The following WDR82 variants were observed in gnomAD, a reference collection of about 807,000 sequenced individuals.
WDR82 encodes WD repeat-containing protein 82.
A neutral mutation model predicts 36.1 loss-of-function variants in WDR82; 8 were observed. That is an observed-to-expected ratio of 0.22 (90% CI 0.13 to 0.40). The LOEUF (loss-of-function observed/expected upper bound fraction) is 0.40, where lower values mean the gene tolerates loss of function less well. Ranked by LOEUF, WDR82 falls within the 10% of genes least tolerant of loss-of-function variation. The pLI, the probability that WDR82 is intolerant of heterozygous loss-of-function variation, is 1.00. For missense variants in WDR82, 185 were observed against 400.5 expected, an observed-to-expected ratio of 0.46 and a Z score of 4.59; for synonymous variants, 129 against 137.8, an observed-to-expected ratio of 0.94 and a Z score of 0.45.
chr3:52,259,685 G>A (rs565324828), intron 6 of WDR82, 32 bp downstream of exon 6: 1 of 1,594,562 alleles, frequency 6.3e-7, no homozygotes, highest in East Asian at 2.2e-5. Context: ...TATGAGCATG[G>A]AAACAGCCAT....
chr3:52,278,350 G>A lies in WDR82; in HGVS notation c.12C>T (p.Thr4=), dbSNP rs755133868. ...CGCGGAAGCTCCGCAACACGCTGTC[G>A]GTCAGCTTCATGGCGGCGGCTGGGG... MKL[T]DSVLRSFRVA... Residue 4 remains threonine, a synonymous_variant, in exon 1 of 9, where the codon ACC becomes ACT. Coordinates refer to ENST00000296490, the MANE Select transcript of WDR82 (RefSeq NM_025222.4). 2 of 1,577,180 alleles carry A rather than the reference G, an allele frequency of 1.3e-6. No homozygotes were observed. Among genetic ancestry groups the A allele is most frequent in the Non-Finnish European group, 1.7e-6 (2 of 1,164,538 alleles).
At chr3:52,263,861 G>C (rs1158914330) in intron 3 of WDR82, among the ~76,000 whole-genome samples, 1 of 152,220 alleles carries the variant, frequency 6.6e-6, no homozygotes. Context: ...CTACAAAGAT[G>C]TGTATAAAAC....
intron 1 of WDR82, among the ~76,000 whole-genome samples, chr3:52,276,385 C>A (rs562646799): frequency 1.3e-5 from 2 of 151,688 alleles, no homozygotes; most frequent in South Asian, 4.2e-4. Context: ...GAGCCAAGAT[C>A]GCGCCACTAC....
intron 2 of WDR82, 43 bp from the exon 3 acceptor site, chr3:52,267,061 A>G: frequency 6.8e-7 from 1 of 1,476,536 alleles, no homozygotes; most frequent in Non-Finnish European, 9.4e-7. Context: ...ATACTATTTA[A>G]AAGAAATTTA....
chr3:52,276,351 A>G (rs1700202498), intron 1 of WDR82, among the ~76,000 whole-genome samples: 2 of 151,854 alleles, frequency 1.3e-5, no homozygotes, highest in South Asian at 4.2e-4. Flanking sequence ...GAATCGCTTG[A>G]ACCCGGGAGG....
intron 4 of WDR82, 31 bp downstream of exon 4, chr3:52,261,349 C>A: frequency 6.3e-7 from 1 of 1,589,890 alleles, no homozygotes; most frequent in Non-Finnish European, 8.6e-7. Flanking sequence ...AAAGAAAATG[C>A]TCAAAAAGTA....
chr3:52,266,843 G>C, intron 3 of WDR82, 109 bp downstream of exon 3: 1 of 865,252 alleles, frequency 1.2e-6, no homozygotes. Flanking sequence ...ATGCCAAGCA[G>C]TAGTGAGGAA....
chr3:52,259,982 T>G, intron 5 of WDR82, 110 bp from the exon 6 acceptor site: 5 of 1,302,634 alleles, frequency 3.8e-6, no homozygotes, highest in Non-Finnish European at 5.2e-6. Context: ...AAGCAGAGAA[T>G]GAGCTACTTC....
At chr3:52,263,732 G>C (rs1166220073) in intron 3 of WDR82, among the ~76,000 whole-genome samples, 1 of 152,206 alleles carries the variant, frequency 6.6e-6, no homozygotes, top group Non-Finnish European at 1.5e-5. Context: ...GCCAGAATTG[G>C]AAGAGACAGA....
At chr3:52,275,301 A>C (rs1371063635) in intron 1 of WDR82, among the ~76,000 whole-genome samples, 1 of 151,704 alleles carries the variant, frequency 6.6e-6, no homozygotes, top group East Asian at 1.9e-4. Context: ...GGTTTGACCT[A>C]TACTAGTGAC....
chr3:52,258,813 G>C (rs1203728902), intron 7 of WDR82, 135 bp from the exon 8 acceptor site: 12 of 1,270,726 alleles, frequency 9.4e-6, no homozygotes, highest in Non-Finnish European at 1.3e-5. Context: ...AGAGGGAGGA[G>C]AGGCAGTGAA....
At chr3:52,264,546 G>A (rs1332617023) in intron 3 of WDR82, among the ~76,000 whole-genome samples, 1 of 152,182 alleles carries the variant, frequency 6.6e-6, no homozygotes, top group African/African-American at 2.4e-5. Context: ...GTGTGAGGAG[G>A]TGGAGATGGG....
rs1699989301 is a variant in WDR82, at chr3:52,254,757, T to C, written c.*2733A>G. The C allele has an allele frequency of 6.6e-6, 1 of 152,240 alleles. No homozygotes were observed. The highest frequency in any genetic ancestry group is 2.4e-5 in the African/African-American group (1 of 41,460). 9.4% of individuals were successfully genotyped at this position (152,240 alleles called of 1,614,324 possible). A position where few individuals can be genotyped will look rare whatever the true frequency, so the allele number is the denominator to read the frequency against. On this transcript the variant is annotated 3_prime_UTR_variant, in exon 9 of 9. Coordinates refer to ENST00000296490, the MANE Select transcript of WDR82 (RefSeq NM_025222.4). ...CAATTCTTAAGGTGGCAAACGCCGC[T>C]GCCCCACTCCCCACCCATCCCCAAT...
At chr3:52,268,053 T>C (rs1044245318) in intron 2 of WDR82, 1 of 248,260 alleles carries the variant, frequency 4.0e-6, no homozygotes, top group Non-Finnish European at 8.4e-6. Context: ...AATAGGGGAA[T>C]AGGGATATTT....
intron 1 of WDR82, among the ~76,000 whole-genome samples, chr3:52,276,356 G>A (rs978893259): frequency 2.6e-5 from 4 of 150,952 alleles, no homozygotes; most frequent in Non-Finnish European, 5.9e-5. Context: ...GCTTGAACCC[G>A]GGAGGCAGAG....
intron 1 of WDR82, among the ~76,000 whole-genome samples, chr3:52,274,834 A>G (rs923451299): frequency 2.0e-5 from 3 of 151,604 alleles, no homozygotes; most frequent in Admixed American, 6.6e-5. Flanking sequence ...TCCAGCAGCG[A>G]GGTTGCAGCA....
intron 1 of WDR82, 43 bp downstream of exon 1, chr3:52,278,158 G>A (rs761711480): frequency 5.2e-6 from 8 of 1,524,516 alleles, no homozygotes; most frequent in African/African-American, 2.8e-5. Context: ...GGCCACCGGA[G>A]GGAGGCACTG....
intron 6 of WDR82, 59 bp from the exon 7 acceptor site, chr3:52,259,325 C>T: frequency 6.6e-7 from 1 of 1,526,126 alleles, no homozygotes. Flanking sequence ...AAACAGCTGC[C>T]TACAAACACT....
Position 52,264,799 on chromosome 3 carries a change from C to CT in WDR82, c.326+2152dup, listed in dbSNP as rs199669347. Among the ~76,000 whole-genome samples the CT allele has an allele frequency of 4.6e-3, 704 of 151,798 alleles. 4 individuals carry two copies. Among genetic ancestry groups the CT allele is most frequent in the South Asian group, 0.023 (110 of 4,792 alleles). Reference sequence around the variant, plus strand: ...GAAGGGATAGATGTTTAAAAGAACTCTTTTTTTTGGAGACACGGTCTTGCT... The same window carrying CT: ...GAAGGGATAGATGTTTAAAAGAACTCTTTTTTTTTGGAGACACGGTCTTGCT... On this transcript the variant is annotated intron_variant, in intron 3 of 8. Transcript: ENST00000296490.
Sources: gnomAD v4.1 joint callset for allele counts (sites outside exome capture counted in the v4.1 genomes callset) on GRCh38, gnomAD v4.1.1 for gene constraint, MANE v1.5 for transcripts, NCBI Gene and HGNC (gene_info 2026-07-23, HGNC 2026-07-21) for gene names.